Variants in PPARGC1A observed in about 807,000 individuals in gnomAD.
The protein encoded by PPARGC1A is peroxisome proliferator-activated receptor gamma coactivator 1-alpha.
In PPARGC1A, 25 loss-of-function variants were observed where a neutral mutation model predicts 88.7. That is an observed-to-expected ratio of 0.28 (90% CI 0.21 to 0.39). The LOEUF is 0.39. PPARGC1A is among the 10% of genes least tolerant of loss of function. The pLI is 1.00. For synonymous variants in PPARGC1A, 363 were observed against 355.6 expected (o/e 1.02, Z -0.24); for missense variants, 880 against 968.7 (o/e 0.91, Z 1.22).
chr4:24,454,760 G>C, the PPARGC1A span, among the ~76,000 whole-genome samples: 1 of 151,904 alleles, frequency 6.6e-6, no homozygotes, highest in African/African-American at 2.4e-5. Context: ...ATCTGTATTT[G>C]ACATATTGTG....
the PPARGC1A span, among the ~76,000 whole-genome samples, chr4:24,123,469 T>C: frequency 6.6e-6 from 1 of 152,098 alleles, no homozygotes; most frequent in African/African-American, 2.4e-5. Context: ...ATAGTATGGA[T>C]AGTAGCATGG....
At chr4:24,263,642 C>A in the PPARGC1A span, among the ~76,000 whole-genome samples, 8 of 152,296 alleles carry the variant, frequency 5.3e-5, no homozygotes, top group East Asian at 1.5e-3. Flanking sequence ...CAAGACCAAC[C>A]TCTCCTCTTC....
the PPARGC1A span, among the ~76,000 whole-genome samples, chr4:24,276,816 G>C: frequency 6.6e-6 from 1 of 152,170 alleles, no homozygotes; most frequent in Non-Finnish European, 1.5e-5. Context: ...AAAAGGGCAA[G>C]AAAAAGACTC....
chr4:24,453,400 A>G, the PPARGC1A span, among the ~76,000 whole-genome samples: 1 of 152,266 alleles, frequency 6.6e-6, no homozygotes, highest in Non-Finnish European at 1.5e-5. Flanking sequence ...GGCTTCATCA[A>G]CCTGACCTAA....
chr4:23,825,488 G>T (rs1723766672), intron 5 of PPARGC1A, among the ~76,000 whole-genome samples: 1 of 151,962 alleles, frequency 6.6e-6, no homozygotes, highest in Non-Finnish European at 1.5e-5. Context: ...TTATCTTATG[G>T]TTGAAGAAAC....
the PPARGC1A span, among the ~76,000 whole-genome samples, chr4:24,413,613 G>A: frequency 6.6e-6 from 1 of 152,244 alleles, no homozygotes; most frequent in South Asian, 2.1e-4. Context: ...GATCCTTGTG[G>A]GGGGGTAGGG....
the PPARGC1A span, among the ~76,000 whole-genome samples, chr4:24,002,093 C>CAGAGAGAGAGAGAGAGAG: frequency 1.5e-5 from 2 of 135,780 alleles, no homozygotes; most frequent in South Asian, 2.6e-4. Context: ...CACACACACA[C>CAGAGAGAGAGAGAGAGAG]ACACAGAGAG....
At chr4:24,330,525 C>G in the PPARGC1A span, among the ~76,000 whole-genome samples, 1 of 152,172 alleles carries the variant, frequency 6.6e-6, no homozygotes, top group Non-Finnish European at 1.5e-5. Flanking sequence ...CCCAGTGGAG[C>G]CTTCAGCTGA....
the PPARGC1A span, among the ~76,000 whole-genome samples, chr4:24,228,626 T>C: frequency 7.9e-5 from 12 of 151,854 alleles, no homozygotes; most frequent in African/African-American, 2.9e-4. Flanking sequence ...AACAGGCTCA[T>C]GTACCCTCTG....
chr4:24,185,292 C>T, the PPARGC1A span, among the ~76,000 whole-genome samples: 3 of 152,132 alleles, frequency 2.0e-5, no homozygotes, highest in Non-Finnish European at 4.4e-5. Flanking sequence ...AAAATCATTA[C>T]AATTCTCAAG....
the PPARGC1A span, among the ~76,000 whole-genome samples, chr4:24,352,279 A>T: frequency 6.6e-6 from 1 of 152,118 alleles, no homozygotes; most frequent in African/African-American, 2.4e-5. Flanking sequence ...CAAAGGCATC[A>T]CTCCAACAGA....
chr4:24,434,490 G>A, the PPARGC1A span, among the ~76,000 whole-genome samples: 3 of 152,264 alleles, frequency 2.0e-5, no homozygotes, highest in East Asian at 1.9e-4. Context: ...ATCTTCTGGC[G>A]GACTCAGTGA....
the PPARGC1A span, among the ~76,000 whole-genome samples, chr4:23,946,701 A>C: frequency 1.3e-5 from 2 of 151,984 alleles, no homozygotes; most frequent in South Asian, 2.1e-4. Flanking sequence ...TTTTTTATCT[A>C]TTTGGTTCTC....
chr4:24,092,910 C>T, the PPARGC1A span, among the ~76,000 whole-genome samples: 1 of 152,184 alleles, frequency 6.6e-6, no homozygotes, highest in Non-Finnish European at 1.5e-5. Context: ...CTCGCAGAAG[C>T]GATCATAATA....
the PPARGC1A span, among the ~76,000 whole-genome samples, chr4:23,988,614 G>T: frequency 1.5e-5 from 2 of 132,690 alleles, no homozygotes; most frequent in African/African-American, 2.9e-5. Context: ...ATTATATAGG[G>T]TATGTTCATG....
chr4:24,093,271 T>C, the PPARGC1A span, among the ~76,000 whole-genome samples: 419 of 152,334 alleles, frequency 2.8e-3, 5 homozygotes, highest in East Asian at 0.052. Context: ...CCACTGGCTG[T>C]TTTGACAATC....
the PPARGC1A span, among the ~76,000 whole-genome samples, chr4:23,991,658 G>T: frequency 6.6e-6 from 1 of 152,088 alleles, no homozygotes; most frequent in African/African-American, 2.4e-5. Flanking sequence ...AATTTTAAGA[G>T]TTTCATTTGA....
At chr4:24,050,878 A>T in the PPARGC1A span, among the ~76,000 whole-genome samples, 1 of 151,988 alleles carries the variant, frequency 6.6e-6, no homozygotes, top group Non-Finnish European at 1.5e-5. Flanking sequence ...TTAGAACCTA[A>T]CCTTCCCAAG....
At chr4:23,837,075 G>A (rs938814503) in intron 2 of PPARGC1A, among the ~76,000 whole-genome samples, 3 of 152,064 alleles carry the variant, frequency 2.0e-5, no homozygotes, top group Middle Eastern at 3.2e-3. Context: ...TCTCACACTC[G>A]CTTGATCTCT....
Sources: allele counts gnomAD v4.1 joint callset (sites outside exome capture counted in the v4.1 genomes callset), GRCh38; gene constraint gnomAD v4.1.1; transcripts MANE v1.5; gene names NCBI Gene and HGNC (gene_info 2026-07-23, HGNC 2026-07-21).